MOG: variants seen among roughly 807,000 people sequenced by gnomAD.
The protein encoded by MOG is myelin-oligodendrocyte glycoprotein.
Under a neutral mutation model 35.9 loss-of-function variants are expected in MOG, and 20 were observed. The ratio of observed to expected loss-of-function variants is 0.56; its 90% CI spans 0.39 to 0.81. The LOEUF is 0.81. Ranked by LOEUF, MOG falls within the 30% of genes least tolerant of loss-of-function variation. MOG has a pLI of 0.00. For missense variants in MOG, 251 were observed against 301.0 expected (o/e 0.83, Z 1.23); for synonymous variants, 92 against 114.3 (o/e 0.80, Z 1.25).
chr6:29,661,623 C>T, intron 2 of MOG: 1 of 877,740 alleles, frequency 1.1e-6, no homozygotes, highest in Non-Finnish European at 1.4e-6. Context: ...GAGTTCGAGA[C>T]TAGCCTGACC....
chr6:29,663,073 T>A (rs1363655286), intron 2 of MOG, among the ~76,000 whole-genome samples: 1 of 152,084 alleles, frequency 6.6e-6, no homozygotes, highest in Non-Finnish European at 1.5e-5. Context: ...ATTGAGACCA[T>A]CCTAGCTAAC....
rs1771253416 is a variant in MOG, at chr6:29,670,587, G to A, written c.710-114G>A. On this transcript the variant is annotated intron_variant, in intron 6 of 7. Transcript: ENST00000376917. This position sits in a 1 kb window ranked among gnomAD's most constrained non-coding sequence, Gnocchi z 4.2. ...GAAGAGAACCACTTACTGGATCTGT[G>A]GGATCCCCCAGTGGAAAGGGCAGTG... The A allele has an allele frequency of 3.8e-6, 6 of 1,576,228 alleles. No individual in the cohort carries two copies. In the African/African-American group the frequency reaches 4.0e-5, roughly 11 times the overall value.
At chr6:29,668,069 AT>A in intron 5 of MOG, 145 bp downstream of exon 5, 1 of 791,324 alleles carries the variant, frequency 1.3e-6, no homozygotes, top group Non-Finnish European at 2.2e-6. Context: ...AGTCATTTGC[AT>A]TTAGGATTGG....
chr6:29,661,435 T>A, intron 2 of MOG: 1 of 985,370 alleles, frequency 1.0e-6, no homozygotes, highest in Non-Finnish European at 1.2e-6. Flanking sequence ...TGAGACCCTC[T>A]CCAGTTTGCA....
chr6:29,669,498 C>T (rs1215207333), intron 5 of MOG, among the ~76,000 whole-genome samples: 2 of 151,726 alleles, frequency 1.3e-5, no homozygotes, highest in South Asian at 2.1e-4. Context: ...ACCATGTTGG[C>T]CAGGCTGGTC....
intron 3 of MOG, among the ~76,000 whole-genome samples, chr6:29,667,040 C>T (rs913297892): frequency 6.6e-6 from 1 of 152,192 alleles, no homozygotes; most frequent in African/African-American, 2.4e-5. Context: ...CAAAAAAAGG[C>T]CTTCAGCCCT....
In MOG at chr6:29,672,333, T is replaced by TAAATAAAA. The variant is rs869031411; in HGVS notation, c.*1151_*1152insTAAAAAAA. The TAAATAAAA allele has an allele frequency of 4.3e-5, 13 of 301,278 alleles. No individual in the cohort carries two copies. The highest frequency in any genetic ancestry group is 3.5e-4 in the South Asian group (2 of 5,668). 18.7% of individuals were successfully genotyped at this position (301,278 alleles called of 1,614,324 possible). On this transcript the variant is annotated 3_prime_UTR_variant, in exon 8 of 8. Transcript: ENST00000376917. The stretch of plus-strand genomic sequence containing the variant: ...ATAAATAAATAAATAAATAAATAAA[T>TAAATAAAA]AAAAAATAATAATACAAGTTTTCAT...
In MOG at chr6:29,671,088, A is replaced by G. The variant is rs539798750; in HGVS notation, c.731-84A>G. Reference sequence around the variant, plus strand: ...CAGGAATGGAGACAAGATGACCCCAAGGGCTTTTCTTCTCCCTAGTTCAAT... The same window carrying G: ...CAGGAATGGAGACAAGATGACCCCAGGGGCTTTTCTTCTCCCTAGTTCAAT... On this transcript the variant is annotated intron_variant, in intron 7 of 7. Transcript: ENST00000376917. The G allele has an allele frequency of 2.0e-5, 33 of 1,612,754 alleles. No homozygotes were observed. In the African/African-American group the frequency reaches 2.4e-4, roughly 12 times the overall value.
intron 2 of MOG, chr6:29,664,032 G>A (rs1391697616): frequency 2.8e-6 from 1 of 362,620 alleles, no homozygotes; most frequent in Non-Finnish European, 3.8e-6. Context: ...ATGGAGATTA[G>A]AGTGGGGCTT....
Position 29,659,351 on chromosome 6 carries a change from A to C in MOG, c.121A>C (p.Ile41Leu), listed in dbSNP as rs1489289337. The change falls in exon 2 of 8, where the codon ATC becomes CTC. Residue 41 changes from isoleucine (I) to leucine (L), a missense_variant. Coordinates refer to ENST00000376917, the MANE Select transcript of MOG (RefSeq NM_206809.4). ...QFRVIGPRHP[I>L]RALVGDEVEL... ...CAGAGTGATAGGACCAAGACACCCT[A>C]TCCGGGCTCTGGTCGGGGATGAAGT... 1 of 1,612,804 alleles carries C rather than the reference A, an allele frequency of 6.2e-7. No homozygotes were observed. The highest frequency in any genetic ancestry group is 8.5e-7 in the Non-Finnish European group (1 of 1,180,000).
intron 2 of MOG, among the ~76,000 whole-genome samples, chr6:29,665,737 G>GCTTAAATAGGTAATAAA (rs1562196707): frequency 6.7e-6 from 1 of 149,702 alleles, no homozygotes; most frequent in African/African-American, 2.5e-5. Context: ...CTACATATTT[G>GCTTAAATAGGTAATAAA]AAATACATAT....
chr6:29,667,931 TC>T lies in MOG; in HGVS notation c.592+9del. On this transcript the variant is annotated splice_region_variant and intron_variant, in intron 5 of 7. Coordinates refer to ENST00000376917, the MANE Select transcript of MOG (RefSeq NM_206809.4). ...AATCTCCACCGGACTTTTGGTAAGT[TC>T]CGGCATGTCTAGGCCCTCCCAGGTC... The T allele has an allele frequency of 6.2e-7, 1 of 1,613,198 alleles. No individual in the cohort carries two copies. Among genetic ancestry groups the T allele is most frequent in the Non-Finnish European group, 8.5e-7 (1 of 1,180,012 alleles).
chr6:29,671,834 A>G lies in MOG; in HGVS notation c.*649A>G. On this transcript the variant is annotated 3_prime_UTR_variant, in exon 8 of 8. Coordinates refer to ENST00000376917, the MANE Select transcript of MOG (RefSeq NM_206809.4). Reference sequence around the variant, plus strand: ...AGCTGGGCAACATGCCTGCTTTAGAATGTTTTCCTTCTACTTACACATCTT... The same window carrying G: ...AGCTGGGCAACATGCCTGCTTTAGAGTGTTTTCCTTCTACTTACACATCTT... 3.5e-6 allele frequency: 1 copy of G among 288,014 alleles called. No homozygotes were observed. Among genetic ancestry groups the G allele is most frequent in the Non-Finnish European group, 6.5e-6 (1 of 153,786 alleles). 17.8% of individuals were successfully genotyped at this position (288,014 alleles called of 1,614,324 possible).
At chr6:29,668,436 T>C (rs1458134531) in intron 5 of MOG, among the ~76,000 whole-genome samples, 1 of 152,218 alleles carries the variant, frequency 6.6e-6, no homozygotes, top group Non-Finnish European at 1.5e-5. Flanking sequence ...GTTTCTAGCC[T>C]TTTTGTTCAC....
Position 29,670,015 on chromosome 6 carries a change from C to T in MOG, c.593-266C>T, listed in dbSNP as rs1244822409. 14 of 702,110 alleles carry T rather than the reference C, an allele frequency of 2.0e-5. No homozygotes were observed. The highest frequency in any genetic ancestry group is 9.4e-5 in the South Asian group (6 of 63,646). 43.5% of individuals were successfully genotyped at this position (702,110 alleles called of 1,614,324 possible). A position where few individuals can be genotyped will look rare whatever the true frequency, so the allele number is the denominator to read the frequency against. ...TGAACTCTTGGCCTCATGATCCACCCGTCTCGGACTCCCAGAGTGTTGGGA... is the reference window on the plus strand; with the variant it reads ...TGAACTCTTGGCCTCATGATCCACCTGTCTCGGACTCCCAGAGTGTTGGGA... On this transcript the variant is annotated intron_variant, in intron 5 of 7. Transcript: ENST00000376917. The surrounding 1 kb of genome is among the most constrained non-coding windows in gnomAD (Gnocchi z 4.2).
chr6:29,666,834 T>C (rs1770319918), intron 3 of MOG, among the ~76,000 whole-genome samples: 1 of 152,128 alleles, frequency 6.6e-6, no homozygotes, highest in Non-Finnish European at 1.5e-5. Context: ...ACCAAGTGTC[T>C]CCCCAATGCC....
intron 5 of MOG, among the ~76,000 whole-genome samples, chr6:29,668,471 T>A (rs1770701525): frequency 6.6e-6 from 1 of 152,174 alleles, no homozygotes; most frequent in Non-Finnish European, 1.5e-5. Context: ...TGCCTAAAGA[T>A]AATGGCAACA....
At chr6:29,661,949 C>G in intron 2 of MOG, 1 of 985,262 alleles carries the variant, frequency 1.0e-6, no homozygotes, top group Non-Finnish European at 1.2e-6. Context: ...CGTCTGCATG[C>G]CTAAGAAACT....
intron 3 of MOG, among the ~76,000 whole-genome samples, chr6:29,666,477 A>G (rs978985948): frequency 6.6e-6 from 1 of 152,174 alleles, no homozygotes; most frequent in Non-Finnish European, 1.5e-5. Flanking sequence ...GCATTTCCCT[A>G]TGAGCTAACT....
Sources: gnomAD v4.1 joint callset for allele counts (sites outside exome capture counted in the v4.1 genomes callset) on GRCh38, gnomAD v4.1.1 for gene constraint, Gnocchi (gnomAD v3.1) non-coding constraint, MANE v1.5 for transcripts, NCBI Gene and HGNC (gene_info 2026-07-23, HGNC 2026-07-21) for gene names.